SAMD4A: variants seen among roughly 807,000 people sequenced by gnomAD.
SAMD4A encodes protein Smaug homolog 1.
In SAMD4A, 33 loss-of-function variants were observed where a neutral mutation model predicts 81.3. The ratio of observed to expected loss-of-function variants is 0.41; its 90% CI spans 0.31 to 0.54. The LOEUF is 0.54. Among genes scored for constraint, SAMD4A ranks in the 20% least tolerant of loss-of-function variants. SAMD4A has a pLI of 0.37. For missense variants in SAMD4A, 854 were observed against 951.1 expected (o/e 0.90, Z 1.34); for synonymous variants, 389 against 382.1 (o/e 1.02, Z -0.21).
chr14:54,605,859 A>G (rs1209195479), intron 2 of SAMD4A, among the ~76,000 whole-genome samples: 1 of 152,080 alleles, frequency 6.6e-6, no homozygotes, highest in African/African-American at 2.4e-5. Context: ...AAATTATTTT[A>G]CGGAATGATC....
At chr14:54,573,212 T>C (rs1418888621) in intron 2 of SAMD4A, among the ~76,000 whole-genome samples, 1 of 152,210 alleles carries the variant, frequency 6.6e-6, no homozygotes, top group African/African-American at 2.4e-5. Flanking sequence ...ATATTTGTAC[T>C]CTTTGTTGTG....
intron 11 of SAMD4A, among the ~76,000 whole-genome samples, chr14:54,779,109 T>C (rs1045781723): frequency 1.3e-5 from 2 of 151,810 alleles, no homozygotes; most frequent in African/African-American, 4.9e-5. Flanking sequence ...GAGCCGCTTC[T>C]GCTCTTCCTG....
At chr14:54,660,657 C>T (rs984027073) in intron 2 of SAMD4A, among the ~76,000 whole-genome samples, 5 of 152,222 alleles carry the variant, frequency 3.3e-5, no homozygotes, top group Middle Eastern at 3.4e-3. Flanking sequence ...GATGGAAGGA[C>T]TGGAGAAGAC....
intron 2 of SAMD4A, among the ~76,000 whole-genome samples, chr14:54,701,574 G>T (rs1225358866): frequency 6.6e-6 from 1 of 152,168 alleles, no homozygotes; most frequent in African/African-American, 2.4e-5. Flanking sequence ...CATCTAGGAA[G>T]TTTTTCCAAT....
In SAMD4A at chr14:54,736,944, G is replaced by T. The variant is rs1184761508; in HGVS notation, c.716-80G>T. The T allele has an allele frequency of 3.3e-6, 5 of 1,500,608 alleles. No homozygotes were observed. The African/African-American group carries it at 5.5e-5, about 17-fold the overall frequency. The allele number at this position is 1,500,608 out of a possible 1,614,324, so 93.0% of individuals were successfully genotyped here. ...AAGACAGTTAGTGGTATCTCTCAGG[G>T]TTAAGAGGTATTGTGGGTTCTTCGG... On this transcript the variant is annotated intron_variant, in intron 3 of 12. Coordinates refer to ENST00000554335, the MANE Select transcript of SAMD4A (RefSeq NM_015589.6).
At chr14:54,737,360 G>C in intron 4 of SAMD4A, 73 bp downstream of exon 4, 1 of 1,565,972 alleles carries the variant, frequency 6.4e-7, no homozygotes, top group Non-Finnish European at 8.7e-7. Context: ...TAAAAAAAGA[G>C]AGGTAGTCAG....
At chr14:54,756,760 G>T (rs944939279) in intron 6 of SAMD4A, among the ~76,000 whole-genome samples, 1 of 152,224 alleles carries the variant, frequency 6.6e-6, no homozygotes, top group Non-Finnish European at 1.5e-5. Context: ...ATGGTTTGCA[G>T]CTTGTTGTCA....
At chr14:54,570,570 GA>G (rs1384672895) in intron 2 of SAMD4A, among the ~76,000 whole-genome samples, 2 of 152,204 alleles carry the variant, frequency 1.3e-5, no homozygotes, top group African/African-American at 4.8e-5. Flanking sequence ...GAAAGAGACA[GA>G]AAAACTGTAA....
chr14:54,665,079 A>G lies in SAMD4A; in HGVS notation c.197-36983A>G, dbSNP rs559770907. Among the ~76,000 whole-genome samples, 12 of 152,328 alleles carry G rather than the reference A, an allele frequency of 7.9e-5. No homozygotes were observed. The South Asian group carries it at 2.3e-3, about 29-fold the overall frequency. The stretch of plus-strand genomic sequence containing the variant: ...TCGTGTCTAGATTCTATAGTGGAGC[A>G]CAAACAACTGCAGGAAAAAATGTGA... On this transcript the variant is annotated intron_variant, in intron 2 of 12. Coordinates refer to ENST00000554335, the MANE Select transcript of SAMD4A (RefSeq NM_015589.6).
chr14:54,702,869 A>G lies in SAMD4A; in HGVS notation c.715+289A>G, dbSNP rs77484928. 2.9e-3 allele frequency: 1,070 copies of G among 369,282 alleles called. 10 individuals carry two copies. The highest frequency in any genetic ancestry group is 0.019 in the African/African-American group (952 of 49,982). The allele number at this position is 369,282 out of a possible 1,614,324, so 22.9% of individuals were successfully genotyped here. ...AAGAAGGAAACTTGCCGTTTCCACA[A>G]TCAGAAATGCATTTCACCCATGTCT... On this transcript the variant is annotated intron_variant, in intron 3 of 12. Transcript: ENST00000554335.
Position 54,793,135 on chromosome 14 carries a change from G to T in SAMD4A, c.*4191G>T, listed in dbSNP as rs1001454069. 6.6e-6 allele frequency: 1 copy of T among 152,236 alleles called. No homozygotes were observed. The highest frequency in any genetic ancestry group is 1.5e-5 in the Non-Finnish European group (1 of 68,028). 9.4% of individuals were successfully genotyped at this position (152,236 alleles called of 1,614,324 possible). A position where few individuals can be genotyped will look rare whatever the true frequency, so the allele number is the denominator to read the frequency against. ...AGATATACTAATGTTTGAAGATGCT[G>T]TTCTTTGCAAGTGTACAGTTTTCAA... is the stretch of plus-strand genomic sequence containing the variant. On this transcript the variant is annotated 3_prime_UTR_variant, in exon 13 of 13. Transcript: ENST00000554335.
rs976869754 is a variant in SAMD4A at position 54,697,632 on chromosome 14, T to C, written c.197-4430T>C. 2.0e-5 allele frequency among the ~76,000 whole-genome samples: 3 copies of C among 152,224 alleles called. 1 individual carries two copies. Among genetic ancestry groups the C allele is most frequent in the African/African-American group, 7.2e-5 (3 of 41,462 alleles). On this transcript the variant is annotated intron_variant, in intron 2 of 12. Transcript: ENST00000554335. ...AATGGCTTTGCCAGAAAGACTGATG[T>C]ATTCAAAACCAAGTGGCTAAAACTT... is the stretch of plus-strand genomic sequence containing the variant.
At chr14:54,731,809 G>A (rs2140907402) in intron 3 of SAMD4A, among the ~76,000 whole-genome samples, 1 of 152,238 alleles carries the variant, frequency 6.6e-6, no homozygotes, top group South Asian at 2.1e-4. Context: ...GAGAACCCAG[G>A]GAATTTGGTT....
chr14:54,724,959 C>T (rs1240869107), intron 3 of SAMD4A, among the ~76,000 whole-genome samples: 1 of 152,180 alleles, frequency 6.6e-6, no homozygotes, highest in Non-Finnish European at 1.5e-5. Context: ...AACAGCATCA[C>T]AGGCAATTGG....
chr14:54,602,710 T>C, intron 2 of SAMD4A, among the ~76,000 whole-genome samples: 1 of 151,496 alleles, frequency 6.6e-6, no homozygotes, highest in Non-Finnish European at 1.5e-5. Context: ...GATGAGTTAA[T>C]GGGTGCAGCA....
At chr14:54,586,195 C>A (rs1255217122) in intron 2 of SAMD4A, among the ~76,000 whole-genome samples, 1 of 152,160 alleles carries the variant, frequency 6.6e-6, no homozygotes, top group African/African-American at 2.4e-5. Flanking sequence ...TGATGTTGAG[C>A]ATTTTTCCAT....
At position 54,701,588 on chromosome 14, in the gene SAMD4A, A is replaced by G. The variant is rs907945044; in HGVS notation, c.197-474A>G. Among the ~76,000 whole-genome samples the G allele has an allele frequency of 2.1e-4, 32 of 152,254 alleles. 1 individual carries two copies. Among genetic ancestry groups the G allele is most frequent in the African/African-American group, 4.8e-5 (2 of 41,550 alleles). ...CCATCTAGGAAGTTTTTCCAATTTC[A>G]CACAAATGCCTTTACCAGGATTTAA... On this transcript the variant is annotated intron_variant, in intron 2 of 12. Transcript: ENST00000554335.
intron 4 of SAMD4A, among the ~76,000 whole-genome samples, chr14:54,744,776 G>T (rs2037927334): frequency 6.6e-6 from 1 of 152,170 alleles, no homozygotes; most frequent in Non-Finnish European, 1.5e-5. Flanking sequence ...CACTTCTGTG[G>T]CTAAAACAAC....
chr14:54,580,780 A>G (rs1428388842), intron 2 of SAMD4A, among the ~76,000 whole-genome samples: 1 of 152,212 alleles, frequency 6.6e-6, no homozygotes, highest in Non-Finnish European at 1.5e-5. Context: ...CCTGTGCCTT[A>G]GTCACTTTTA....
Sources: allele counts gnomAD v4.1 joint callset (sites outside exome capture counted in the v4.1 genomes callset), GRCh38; gene constraint gnomAD v4.1.1; transcripts MANE v1.5; gene names NCBI Gene and HGNC (gene_info 2026-07-23, HGNC 2026-07-21).